SULT2A1: variants seen among roughly 807,000 people sequenced by gnomAD.
SULT2A1 encodes sulfotransferase family 2A member 1.
Under a neutral mutation model 33.9 loss-of-function variants are expected in SULT2A1, and 43 were observed. That is an observed-to-expected ratio of 1.27 (90% CI 1.00 to 1.64). The LOEUF (loss-of-function observed/expected upper bound fraction) is 1.64, where lower values mean the gene tolerates loss of function less well. SULT2A1 is among the 40% of genes most tolerant of loss of function. SULT2A1 has a pLI of 0.00. For synonymous variants in SULT2A1, 125 were observed against 113.6 expected (o/e 1.10, Z -0.64); for missense variants, 300 against 335.1 (o/e 0.90, Z 0.82).
chr19:47,871,319 T>A lies in SULT2A1; in HGVS notation c.*136A>T. Reference sequence around the variant, plus strand: ...CTGGTAACTTTTAACAAGGAAGGGATCAGAGATGCAGAGGTTTGATATTTA... The same window carrying A: ...CTGGTAACTTTTAACAAGGAAGGGAACAGAGATGCAGAGGTTTGATATTTA... On this transcript the variant is annotated 3_prime_UTR_variant, in exon 6 of 6. Coordinates refer to ENST00000222002, the MANE Select transcript of SULT2A1 (RefSeq NM_003167.4). The A allele has an allele frequency of 2.9e-6, 2 of 696,736 alleles. No individual in the cohort carries two copies. Among genetic ancestry groups the A allele is most frequent in the Non-Finnish European group, 4.8e-6 (2 of 414,158 alleles). 43.2% of individuals were successfully genotyped at this position (696,736 alleles called of 1,614,324 possible). A position where few individuals can be genotyped will look rare whatever the true frequency, so the allele number is the denominator to read the frequency against.
intron 4 of SULT2A1, 59 bp from the exon 5 acceptor site, chr19:47,874,893 G>A (rs1349682017): frequency 6.7e-7 from 1 of 1,481,484 alleles, no homozygotes; most frequent in Admixed American, 1.8e-5. Flanking sequence ...TGGGCGTGGT[G>A]GTTCACGCCT....
intron 2 of SULT2A1, 59 bp from the exon 3 acceptor site, chr19:47,882,269 T>G: frequency 6.4e-7 from 1 of 1,564,814 alleles, no homozygotes; most frequent in Non-Finnish European, 8.6e-7. Flanking sequence ...CTCTTTTTGA[T>G]CTTCACAAAA....
At chr19:47,875,158 C>CAAAAA (rs36196588) in intron 4 of SULT2A1, among the ~76,000 whole-genome samples, 2 of 94,080 alleles carry the variant, frequency 2.1e-5, no homozygotes, top group Non-Finnish European at 4.1e-5. Flanking sequence ...GAGACCTTGT[C>CAAAAA]AAAAAAAAAA....
At chr19:47,873,930 G>A (rs1041450706) in intron 5 of SULT2A1, among the ~76,000 whole-genome samples, 32 of 151,618 alleles carry the variant, frequency 2.1e-4, no homozygotes, top group Non-Finnish European at 7.4e-5. Flanking sequence ...GCCCATCCAG[G>A]ACAGATCTCT....
At chr19:47,883,831 G>A (rs762821318) in intron 1 of SULT2A1, 46 bp from the exon 2 acceptor site, 19 of 1,558,018 alleles carry the variant, frequency 1.2e-5, no homozygotes, top group Middle Eastern at 2.0e-4. Context: ...CATCTCAGCC[G>A]GACATGGTGG....
At chr19:47,877,078 TAAA>T (rs10676904) in intron 4 of SULT2A1, among the ~76,000 whole-genome samples, 5 of 123,286 alleles carry the variant, frequency 4.1e-5, no homozygotes, top group Admixed American at 8.9e-5. Context: ...CTCCACCTCA[TAAA>T]AAAAAAAAAA....
chr19:47,873,399 G>C (rs1342639589), intron 5 of SULT2A1, among the ~76,000 whole-genome samples: 3 of 151,912 alleles, frequency 2.0e-5, no homozygotes, highest in Non-Finnish European at 4.4e-5. Context: ...TTGAACTCCT[G>C]ACCTCAGGTG....
intron 5 of SULT2A1, 116 bp downstream of exon 5, chr19:47,874,541 G>GAAAAAAAA: frequency 8.7e-6 from 3 of 344,042 alleles, no homozygotes; most frequent in Non-Finnish European, 1.4e-5. Flanking sequence ...CTTCATCTCG[G>GAAAAAAAA]AAAAAAAAAA....
intron 4 of SULT2A1, among the ~76,000 whole-genome samples, chr19:47,877,687 C>G (rs1968560214): frequency 6.6e-6 from 1 of 151,722 alleles, no homozygotes; most frequent in Non-Finnish European, 1.5e-5. Context: ...GTAGCTGGGA[C>G]TACAGGTGCC....
rs1437176746 is a variant in SULT2A1 at position 47,882,111 on chromosome 19, A to G, written c.445T>C (p.Tyr149His). ...FIKKPKSWEE[Y>H]FEWFCQGTVL... ...GTTCCTTGACAAAACCATTCAAAAT[A>G]TTCTTCCCATGACTTTGGTTTCTTA... The change falls in exon 3 of 6, where the codon TAT (tyrosine) becomes CAT (histidine). Residue 149 changes from tyrosine (Y) to histidine (H), a missense_variant. Tyr to His is a moderately conservative substitution (Grantham distance 83). Coordinates refer to ENST00000222002, the MANE Select transcript of SULT2A1 (RefSeq NM_003167.4). 5 of 1,613,896 alleles carry G rather than the reference A, an allele frequency of 3.1e-6. No individual in the cohort carries two copies. The highest frequency in any genetic ancestry group is 1.3e-5 in the African/African-American group (1 of 75,026).
intron 1 of SULT2A1, 92 bp from the exon 2 acceptor site, chr19:47,883,877 G>A: frequency 8.3e-7 from 1 of 1,209,148 alleles, no homozygotes; most frequent in South Asian, 1.4e-5. Context: ...GGGAGGCTGA[G>A]GCAAGTGATC....
At position 47,879,136 on chromosome 19, in the gene SULT2A1, T is replaced by A. The variant is rs1399959600; in HGVS notation, c.473-6A>T. ...AAACCATGACCCATATAGCACTGCA[T>A]GGGGTGGCAGAAAAAGTGATAGGTT... is the stretch of plus-strand genomic sequence containing the variant. On this transcript the variant is annotated splice_polypyrimidine_tract_variant and splice_region_variant and intron_variant, in intron 3 of 5. Coordinates refer to ENST00000222002, the MANE Select transcript of SULT2A1 (RefSeq NM_003167.4). The A allele has an allele frequency of 1.3e-6, 2 of 1,594,020 alleles. No individual in the cohort carries two copies. Among genetic ancestry groups the A allele is most frequent in the African/African-American group, 2.7e-5 (2 of 74,482 alleles).
chr19:47,884,803 A>T (rs1361013394), intron 1 of SULT2A1, among the ~76,000 whole-genome samples: 110 of 63,180 alleles, frequency 1.7e-3, no homozygotes, highest in African/African-American at 7.8e-3. Flanking sequence ...GCTCTCAACC[A>T]CTTTTTTTTT....
chr19:47,874,851 AAG>A lies in SULT2A1; in HGVS notation c.568-19_568-18del, dbSNP rs772288394. 1 of 1,610,362 alleles carries A rather than the reference AAG, an allele frequency of 6.2e-7. No homozygotes were observed. Among genetic ancestry groups the A allele is most frequent in the Non-Finnish European group, 8.5e-7 (1 of 1,178,024 alleles). ...TCCTGTGTCCTAAAAAAGAAAAATCAAGAGAGAGGATACGAAAGAGAAAGACA... is the reference window on the plus strand; with the variant it reads ...TCCTGTGTCCTAAAAAAGAAAAATCAAGAGAGGATACGAAAGAGAAAGACA... On this transcript the variant is annotated intron_variant, in intron 4 of 5. Coordinates refer to ENST00000222002, the MANE Select transcript of SULT2A1 (RefSeq NM_003167.4).
chr19:47,874,404 T>A (rs985628973), intron 5 of SULT2A1, among the ~76,000 whole-genome samples: 8 of 152,106 alleles, frequency 5.3e-5, no homozygotes, highest in Non-Finnish European at 2.9e-5. Context: ...CTGGGTGTGG[T>A]GGCGTGTGCC....
intron 2 of SULT2A1, among the ~76,000 whole-genome samples, chr19:47,883,046 T>A (rs1968617766): frequency 6.6e-6 from 1 of 152,052 alleles, no homozygotes; most frequent in South Asian, 2.1e-4. Flanking sequence ...CTCTGCCCCA[T>A]GGGAGATGCA....
chr19:47,884,115 A>T (rs1388340785), intron 1 of SULT2A1, among the ~76,000 whole-genome samples: 1 of 150,402 alleles, frequency 6.6e-6, no homozygotes, highest in African/African-American at 2.4e-5. Flanking sequence ...AAAAAAAAAA[A>T]CAAAAACAAA....
rs57889801 is a variant in SULT2A1, at chr19:47,885,764, C to G, written c.136+358G>C. On this transcript the variant is annotated intron_variant, in intron 1 of 5. Coordinates refer to ENST00000222002, the MANE Select transcript of SULT2A1 (RefSeq NM_003167.4). ...CTCCTATCTGAAAATAGCCCTCCCC[C>G]CAAGTAATTTCATACTCATTCTTTG... 5.5e-3 allele frequency among the ~76,000 whole-genome samples: 844 copies of G among 152,310 alleles called. 9 individuals are homozygous for G. Among genetic ancestry groups the G allele is most frequent in the African/African-American group, 0.019 (792 of 41,574 alleles).
In SULT2A1 at chr19:47,882,596, C is replaced by G. The variant is rs1807186916; in HGVS notation, c.346-386G>C. On this transcript the variant is annotated intron_variant, in intron 2 of 5. Transcript: ENST00000222002. ...ATATAGCAATATTATCCATATACAA[C>G]ACCCAAGATCATGGACACATTTCAG... Among the ~76,000 whole-genome samples, 4 of 152,094 alleles carry G rather than the reference C, an allele frequency of 2.6e-5. No individual in the cohort carries two copies. The South Asian group carries it at 8.3e-4, about 32-fold the overall frequency.
Sources: allele counts gnomAD v4.1 joint callset (sites outside exome capture counted in the v4.1 genomes callset), GRCh38; gene constraint gnomAD v4.1.1; transcripts MANE v1.5; gene names NCBI Gene and HGNC (gene_info 2026-07-23, HGNC 2026-07-21).